SPIN1: variants seen among roughly 807,000 people sequenced by gnomAD.
SPIN1 encodes the protein spindlin-1.
SPIN1 carries 3 observed loss-of-function variants against 26.0 expected under a neutral mutation model. The observed-to-expected ratio is 0.12, with a 90% CI of 0.05 to 0.30. The LOEUF (loss-of-function observed/expected upper bound fraction) is 0.30, where lower values mean the gene tolerates loss of function less well. Ranked by LOEUF, SPIN1 falls within the 10% of genes least tolerant of loss-of-function variation. The pLI is 1.00. For synonymous variants in SPIN1, 101 were observed against 116.5 expected (o/e 0.87, Z 0.86); for missense variants, 126 against 333.4 (o/e 0.38, Z 4.84).
rs576192918 is a variant in SPIN1, at chr9:88,420,243, C to T, written c.-158-6139C>T. Among the ~76,000 whole-genome samples the T allele has an allele frequency of 1.4e-4, 22 of 152,238 alleles. No individual in the cohort carries two copies. The South Asian group carries it at 3.7e-3, about 26-fold the overall frequency. ...TTACAAAATTATCTGGATGTGGTGG[C>T]GCATGCCTGTAATCCCAGCTCCTCG... is the stretch of plus-strand genomic sequence containing the variant. On this transcript the variant is annotated intron_variant, in intron 1 of 5. Coordinates refer to ENST00000375859, the MANE Select transcript of SPIN1 (RefSeq NM_006717.3).
Position 88,478,694 on chromosome 9 carries a change from A to G in SPIN1, c.*3417A>G, listed in dbSNP as rs1828928460. 1 of 152,154 alleles carries G rather than the reference A, an allele frequency of 6.6e-6. No individual in the cohort carries two copies. Among genetic ancestry groups the G allele is most frequent in the African/African-American group, 2.4e-5 (1 of 41,426 alleles). The allele number at this position is 152,154 out of a possible 1,614,324, so 9.4% of individuals were successfully genotyped here. On this transcript the variant is annotated 3_prime_UTR_variant, in exon 6 of 6. Coordinates refer to ENST00000375859, the MANE Select transcript of SPIN1 (RefSeq NM_006717.3). ...ATTTAAAATAAACCCTTTATGTGCA[A>G]CTCCTGACTGTAAAGTTTGTGCTGA...
At chr9:88,449,345 A>G (rs1456379503) in intron 3 of SPIN1, among the ~76,000 whole-genome samples, 1 of 152,000 alleles carries the variant, frequency 6.6e-6, no homozygotes, top group Non-Finnish European at 1.5e-5. Flanking sequence ...GTCTTGGTCC[A>G]CTGTTTGACA....
intron 1 of SPIN1, chr9:88,410,534 ATCT>A (rs1827421123): frequency 3.8e-6 from 3 of 797,348 alleles, no homozygotes; most frequent in Admixed American, 3.4e-5. Flanking sequence ...CCTAATTAAA[ATCT>A]TCTGCTACTG....
intron 2 of SPIN1, among the ~76,000 whole-genome samples, chr9:88,448,263 C>T (rs960664453): frequency 2.0e-4 from 30 of 152,120 alleles, no homozygotes; most frequent in Admixed American, 1.6e-3. Context: ...GGGCTGGTCT[C>T]GAACTCCTGA....
chr9:88,473,627 C>T (rs973887632), intron 5 of SPIN1, among the ~76,000 whole-genome samples: 1 of 148,572 alleles, frequency 6.7e-6, no homozygotes, highest in Non-Finnish European at 1.5e-5. Flanking sequence ...CTTCCCTCTC[C>T]TTTAATTCTC....
intron 1 of SPIN1, among the ~76,000 whole-genome samples, chr9:88,409,593 T>TGGGAGG (rs1404323264): frequency 6.6e-6 from 1 of 151,456 alleles, no homozygotes; most frequent in Non-Finnish European, 1.5e-5. Flanking sequence ...CCCAGCACTT[T>TGGGAGG]GGGAGGCCGA....
At chr9:88,438,419 T>G (rs917911714) in intron 2 of SPIN1, among the ~76,000 whole-genome samples, 1 of 152,214 alleles carries the variant, frequency 6.6e-6, no homozygotes, top group Non-Finnish European at 1.5e-5. Context: ...GCATACACTG[T>G]ATGATTTGTA....
chr9:88,473,408 A>T (rs982541623), intron 5 of SPIN1, among the ~76,000 whole-genome samples: 17 of 151,972 alleles, frequency 1.1e-4, no homozygotes, highest in Admixed American at 3.3e-4. Context: ...AGAAAAAAAA[A>T]ATTGTGTACA....
rs541908679 is a variant in SPIN1, at chr9:88,403,752, C to T, written c.-159+15214C>T. On this transcript the variant is annotated intron_variant, in intron 1 of 5. Transcript: ENST00000375859. Reference sequence around the variant, plus strand: ...AAAAAGAAAACCACTATTAAGTGTTCTTTTTAAGGGGCCAGTATTATTAGA... The same window carrying T: ...AAAAAGAAAACCACTATTAAGTGTTTTTTTTAAGGGGCCAGTATTATTAGA... 2.4e-3 allele frequency among the ~76,000 whole-genome samples: 371 copies of T among 152,208 alleles called. 1 individual carries two copies. Among genetic ancestry groups the T allele is most frequent in the African/African-American group, 8.5e-3 (353 of 41,540 alleles).
At chr9:88,431,937 A>G (rs540510635) in intron 2 of SPIN1, among the ~76,000 whole-genome samples, 7 of 152,232 alleles carry the variant, frequency 4.6e-5, no homozygotes, top group South Asian at 2.1e-4. Flanking sequence ...GCTACTCAGG[A>G]ACCTGAGGTG....
At chr9:88,444,674 G>T (rs1828207235) in intron 2 of SPIN1, among the ~76,000 whole-genome samples, 1 of 150,258 alleles carries the variant, frequency 6.7e-6, no homozygotes, top group African/African-American at 2.5e-5. Flanking sequence ...GATGATGAAT[G>T]GTTTACCTTT....
chr9:88,408,672 G>A (rs1437880580), intron 1 of SPIN1, among the ~76,000 whole-genome samples: 1 of 148,064 alleles, frequency 6.8e-6, no homozygotes, highest in Non-Finnish European at 1.5e-5. Context: ...ACCATGCCTG[G>A]CCCTTTTTTT....
chr9:88,461,403 C>T (rs1360118846), intron 3 of SPIN1, among the ~76,000 whole-genome samples: 3 of 152,164 alleles, frequency 2.0e-5, no homozygotes, highest in Non-Finnish European at 4.4e-5. Flanking sequence ...AGAAGCTTCC[C>T]TTCTGCGGCG....
chr9:88,466,679 G>A (rs1479483830), intron 4 of SPIN1, among the ~76,000 whole-genome samples: 2 of 152,210 alleles, frequency 1.3e-5, no homozygotes, highest in African/African-American at 4.8e-5. Context: ...TTCTTTTGAT[G>A]TAACAGAAAT....
intron 1 of SPIN1, among the ~76,000 whole-genome samples, chr9:88,392,187 A>AT (rs1207967728): frequency 6.6e-6 from 1 of 151,728 alleles, no homozygotes; most frequent in South Asian, 2.1e-4. Flanking sequence ...AGTTATTAGC[A>AT]TTTTTTTAAT....
chr9:88,428,010 T>A (rs1827796057), intron 2 of SPIN1, among the ~76,000 whole-genome samples: 1 of 152,174 alleles, frequency 6.6e-6, no homozygotes, highest in Non-Finnish European at 1.5e-5. Context: ...GATCATAATG[T>A]TTAGAATAAG....
chr9:88,388,494 GGCGGAACCCGT>G lies in SPIN1; in HGVS notation c.-201_-191del, dbSNP rs1327281384. On this transcript the variant is annotated 5_prime_UTR_variant, in exon 1 of 6. Transcript: ENST00000375859. ...GCCGGCGGGAGCGCGAACGAGCGAC[GGCGGAACCCGT>G]GGGCCTGTGGACTGCAGCCTCGGCG... 2.0e-5 allele frequency: 3 copies of G among 147,886 alleles called. No individual in the cohort carries two copies. The highest frequency in any genetic ancestry group is 3.0e-5 in the Non-Finnish European group (2 of 66,376). The allele number at this position is 147,886 out of a possible 1,614,324, so 9.2% of individuals were successfully genotyped here.
intron 4 of SPIN1, among the ~76,000 whole-genome samples, chr9:88,464,500 C>CT (rs1218604304): frequency 2.6e-5 from 4 of 152,182 alleles, no homozygotes; most frequent in African/African-American, 9.7e-5. Flanking sequence ...AAAGCAAGGC[C>CT]TGGGGACCCT....
At chr9:88,446,103 T>C (rs1828245589) in intron 2 of SPIN1, among the ~76,000 whole-genome samples, 2 of 152,206 alleles carry the variant, frequency 1.3e-5, no homozygotes, top group Admixed American at 6.5e-5. Context: ...AGTATAATTA[T>C]GGATGTGTCT....
Sources: gnomAD v4.1 joint callset for allele counts (sites outside exome capture counted in the v4.1 genomes callset) on GRCh38, gnomAD v4.1.1 for gene constraint, MANE v1.5 for transcripts, NCBI Gene and HGNC (gene_info 2026-07-23, HGNC 2026-07-21) for gene names.